KLHL13: variants seen among roughly 807,000 people sequenced by gnomAD.
KLHL13 encodes the protein kelch like family member 13, also known as kelch-like protein 13.
Under a neutral mutation model 37.1 loss-of-function variants are expected in KLHL13, and 10 were observed. The ratio of observed to expected loss-of-function variants is 0.27; its 90% CI spans 0.17 to 0.46. KLHL13 has a LOEUF of 0.46. Among genes scored for constraint, KLHL13 ranks in the 20% least tolerant of loss-of-function variants. KLHL13 has a pLI of 1.00. For synonymous variants in KLHL13, 163 were observed against 181.2 expected (o/e 0.90, Z 0.81); for missense variants, 360 against 509.3 (o/e 0.71, Z 2.82).
intron 1 of KLHL13, among the ~76,000 whole-genome samples, chrX:117,955,925 C>T (rs761868036): frequency 1.4e-4 from 16 of 111,660 alleles, no homozygotes; most frequent in African/African-American, 5.2e-4. Context: ...CACCTATCTA[C>T]ATATTCACAG....
intron 1 of KLHL13, among the ~76,000 whole-genome samples, chrX:117,955,306 T>G (rs1933846018): frequency 8.9e-6 from 1 of 111,778 alleles, no homozygotes; most frequent in African/African-American, 3.2e-5. Flanking sequence ...TGACCAGGTC[T>G]TAAGAGAATG....
intron 1 of KLHL13, among the ~76,000 whole-genome samples, chrX:118,035,361 A>C (rs1422502797): frequency 1.9e-5 from 2 of 107,787 alleles, no homozygotes; most frequent in East Asian, 2.8e-4. Flanking sequence ...CTGGCAAACC[A>C]AACCCAGCAG....
chrX:118,007,984 G>A (rs140067774), intron 1 of KLHL13, among the ~76,000 whole-genome samples: 3,814 of 111,591 alleles, frequency 0.034, 71 homozygotes, highest in Non-Finnish European at 0.042. Context: ...ACCAAGTGTC[G>A]AATGGAGGGA....
intron 1 of KLHL13, among the ~76,000 whole-genome samples, chrX:118,017,565 A>C (rs2148002083): frequency 9.0e-6 from 1 of 111,216 alleles, no homozygotes; most frequent in Admixed American, 9.6e-5. Context: ...GGAGAGAAGT[A>C]GAAGAAACAT....
intron 1 of KLHL13, among the ~76,000 whole-genome samples, chrX:118,007,721 T>C (rs2054002758): frequency 1.8e-5 from 2 of 111,090 alleles, no homozygotes; most frequent in African/African-American, 6.6e-5. Flanking sequence ...TAACACACCA[T>C]GGATACAGAG....
At chrX:117,926,819 A>C (rs1177178460) in intron 2 of KLHL13, among the ~76,000 whole-genome samples, 3 of 99,825 alleles carry the variant, frequency 3.0e-5, no homozygotes, top group African/African-American at 1.1e-4. Flanking sequence ...GACTTAGGGC[A>C]TCACGTAAGC....
chrX:117,972,579 C>T (rs776737493), intron 1 of KLHL13: 4 of 441,193 alleles, frequency 9.1e-6, no homozygotes, highest in Non-Finnish European at 1.6e-5. Flanking sequence ...GAAGTGTGGG[C>T]ATGCCAACAT....
intron 1 of KLHL13, among the ~76,000 whole-genome samples, chrX:118,032,256 G>C (rs1162447863): frequency 2.7e-5 from 3 of 112,305 alleles, no homozygotes; most frequent in Non-Finnish European, 5.6e-5. Flanking sequence ...AAGGAGACCT[G>C]CCTGCCTCTG....
chrX:117,981,657 A>G (rs1223080399), intron 1 of KLHL13, among the ~76,000 whole-genome samples: 1 of 111,610 alleles, frequency 9.0e-6, no homozygotes, highest in East Asian at 2.8e-4. Context: ...CTTCCACTAC[A>G]GGGTCTAGGC....
intron 1 of KLHL13, among the ~76,000 whole-genome samples, chrX:117,953,085 G>T (rs1358527279): frequency 2.7e-5 from 3 of 110,466 alleles, no homozygotes; most frequent in Non-Finnish European, 5.7e-5. Flanking sequence ...AAATCATGCT[G>T]CTATAAAGAC....
At chrX:118,113,485 G>A (rs1475875236) in intron 1 of KLHL13, among the ~76,000 whole-genome samples, 1 of 111,777 alleles carries the variant, frequency 8.9e-6, no homozygotes, top group African/African-American at 3.3e-5. Context: ...TCTTTAATCC[G>A]CCATGCTGGC....
intron 1 of KLHL13, among the ~76,000 whole-genome samples, chrX:118,072,150 C>G (rs367759256): frequency 0.02 from 2,203 of 108,340 alleles, 28 homozygotes; most frequent in Middle Eastern, 0.081. Context: ...CAATGGAACA[C>G]AACAGAGCCC....
At chrX:118,092,016 G>C (rs1305063095) in intron 1 of KLHL13, among the ~76,000 whole-genome samples, 1 of 111,798 alleles carries the variant, frequency 8.9e-6, no homozygotes, top group Non-Finnish European at 1.9e-5. Flanking sequence ...CTATGAGGAT[G>C]CAAAGGCATA....
chrX:118,068,029 G>A (rs1424437937), intron 1 of KLHL13, among the ~76,000 whole-genome samples: 2 of 111,676 alleles, frequency 1.8e-5, no homozygotes, highest in Admixed American at 9.5e-5. Flanking sequence ...CCACAAACAC[G>A]TGAAGAATGC....
intron 1 of KLHL13, among the ~76,000 whole-genome samples, chrX:118,096,707 A>G (rs1409758909): frequency 9.9e-5 from 11 of 111,559 alleles, no homozygotes; most frequent in Admixed American, 6.7e-4. Flanking sequence ...GAATCCAGCA[A>G]CACATCAAAA....
At chrX:118,054,176 T>C (rs1345167844) in intron 1 of KLHL13, among the ~76,000 whole-genome samples, 1 of 111,082 alleles carries the variant, frequency 9.0e-6, no homozygotes, top group African/African-American at 3.3e-5. Context: ...TGTTTCTTTT[T>C]TTCCTCATCT....
exon 1 of KLHL13, chrX:117,973,546 T>C: frequency 1.1e-6 from 1 of 898,721 alleles, no homozygotes; most frequent in Non-Finnish European, 1.4e-6. Flanking sequence ...GAAGGCAAAA[T>C]GTAAGAAGAA....
At chrX:118,073,656 G>A (rs1380939188) in intron 1 of KLHL13, among the ~76,000 whole-genome samples, 1 of 112,180 alleles carries the variant, frequency 8.9e-6, no homozygotes, top group African/African-American at 3.2e-5. Context: ...TCATAGAAGA[G>A]TTAAGGAATA....
rs554813091 is a variant in KLHL13 at position 117,901,032 on chromosome X, T to C, written c.1480+801A>G. Among the ~76,000 whole-genome samples, 7 of 111,937 alleles carry C rather than the reference T, an allele frequency of 6.3e-5. No homozygotes were observed. The Middle Eastern group carries it at 0.014, about 220-fold the overall frequency. ...TTCAGAATTTTTTAACAGAAAAATA[T>C]ATCTTCATGTGCATAAAATACAGAT... On this transcript the variant is annotated intron_variant, in intron 6 of 6. Coordinates refer to ENST00000262820, the Ensembl canonical transcript of KLHL13.
Sources: gnomAD v4.1 joint callset for allele counts (sites outside exome capture counted in the v4.1 genomes callset) on GRCh38, gnomAD v4.1.1 for gene constraint, MANE v1.5 for transcripts, NCBI Gene and HGNC (gene_info 2026-07-23, HGNC 2026-07-21) for gene names.